CENPQ: variants seen among roughly 807,000 people sequenced by gnomAD.
CENPQ encodes centromere protein Q, also known as chromosome 6 open reading frame 139.
Under a neutral mutation model 36.6 loss-of-function variants are expected in CENPQ, and 27 were observed. The ratio of observed to expected loss-of-function variants is 0.74; its 90% CI spans 0.54 to 1.02. The LOEUF (loss-of-function observed/expected upper bound fraction) is 1.02, where lower values mean the gene tolerates loss of function less well. CENPQ is among the 50% of genes least tolerant of loss of function. CENPQ has a pLI of 0.00. For synonymous variants in CENPQ, 101 were observed against 101.7 expected, an observed-to-expected ratio of 0.99 and a Z score of 0.04; for missense variants, 306 against 301.8, an observed-to-expected ratio of 1.01 and a Z score of -0.10.
chr6:49,491,276 A>G (rs1360461318), intron 8 of CENPQ, among the ~76,000 whole-genome samples: 1 of 152,220 alleles, frequency 6.6e-6, no homozygotes, highest in Non-Finnish European at 1.5e-5. Flanking sequence ...AGTCACGTAG[A>G]TCTCTCATTT....
At chr6:49,471,144 T>A in intron 3 of CENPQ, 116 bp downstream of exon 3, 1 of 528,892 alleles carries the variant, frequency 1.9e-6, no homozygotes, top group Non-Finnish European at 3.0e-6. Flanking sequence ...AATAAACAAC[T>A]ACATTTGCAT....
intron 5 of CENPQ, among the ~76,000 whole-genome samples, chr6:49,474,112 G>C (rs1212672948): frequency 6.6e-6 from 1 of 152,106 alleles, no homozygotes; most frequent in Non-Finnish European, 1.5e-5. Context: ...AGACCAATGA[G>C]ACAGAAAATT....
chr6:49,471,121 T>C (rs879212905), intron 3 of CENPQ, 93 bp downstream of exon 3: 5 of 669,502 alleles, frequency 7.5e-6, no homozygotes, highest in African/African-American at 7.4e-5. Context: ...TTATGAGTTC[T>C]GCAAAAGATA....
At chr6:49,480,147 A>G (rs1349797946) in intron 5 of CENPQ, among the ~76,000 whole-genome samples, 1 of 152,138 alleles carries the variant, frequency 6.6e-6, no homozygotes, top group African/African-American at 2.4e-5. Context: ...CAAAAGTGGG[A>G]TAGTGGGTTC....
At chr6:49,487,460 A>G (rs1366144293) in intron 6 of CENPQ, among the ~76,000 whole-genome samples, 8 of 151,108 alleles carry the variant, frequency 5.3e-5, no homozygotes, top group Non-Finnish European at 1.2e-4. Flanking sequence ...TTCTTAAAAA[A>G]AAAAAAAAGT....
At chr6:49,465,269 C>T (rs1767974186) in intron 1 of CENPQ, among the ~76,000 whole-genome samples, 1 of 152,170 alleles carries the variant, frequency 6.6e-6, no homozygotes, top group Non-Finnish European at 1.5e-5. Context: ...GTAAACCGTG[C>T]TGTAAACAGA....
chr6:49,472,356 AT>A (rs1309600399), intron 4 of CENPQ, among the ~76,000 whole-genome samples, 173 bp downstream of exon 4: 2 of 152,266 alleles, frequency 1.3e-5, no homozygotes, highest in Admixed American at 6.5e-5. Flanking sequence ...GTCTTTGTTA[AT>A]TTTAGAAACC....
Position 49,472,062 on chromosome 6 carries a change from G to A in CENPQ, c.158-1G>A, listed in dbSNP as rs775612916. 3.1e-6 allele frequency: 5 copies of A among 1,609,538 alleles called. No individual in the cohort carries two copies. The highest frequency in any genetic ancestry group is 1.7e-5 in the Admixed American group (1 of 59,446). On this transcript the variant is annotated splice_acceptor_variant, in intron 3 of 8. Transcript: ENST00000335783. LOFTEE classifies it high-confidence loss of function. ...AGAGCCTCTTCTATTACTAACGACAGGACAAACAAAGCACACTAACCTAAA... is the reference window on the plus strand; with the variant it reads ...AGAGCCTCTTCTATTACTAACGACAAGACAAACAAAGCACACTAACCTAAA...
chr6:49,489,953 C>A (rs1768677912), intron 8 of CENPQ, among the ~76,000 whole-genome samples: 1 of 152,168 alleles, frequency 6.6e-6, no homozygotes. Flanking sequence ...ACAGACAACA[C>A]AGATGTAGTT....
chr6:49,464,167 ACCAATAAAG>A (rs1165735011), intron 1 of CENPQ, among the ~76,000 whole-genome samples: 1 of 152,204 alleles, frequency 6.6e-6, no homozygotes, highest in African/African-American at 2.4e-5. Flanking sequence ...TCGGTTCCAG[ACCAATAAAG>A]CCTGTCACAC....
At chr6:49,486,350 C>G in intron 6 of CENPQ, among the ~76,000 whole-genome samples, 1 of 152,276 alleles carries the variant, frequency 6.6e-6, no homozygotes, top group Admixed American at 6.5e-5. Flanking sequence ...ACAGCAGCCA[C>G]GGGAAACTAA....
At position 49,472,108 on chromosome 6, in the gene CENPQ, G is replaced by T. The variant is rs552119775; in HGVS notation, c.203G>T (p.Ser68Ile). ...TNLKHGKTAA[S>I]KRKTWQPLSK... ...CTAAAACACGGAAAGACAGCAGCCA[G>T]CAAGAGAAAAACCTGGCAACCTCTG... Residue 68 changes from serine to isoleucine, a missense_variant, in exon 4 of 9, where the codon AGC becomes ATC. By Grantham distance (142) the Ser-to-Ile change is moderately radical. Coordinates refer to ENST00000335783, the MANE Select transcript of CENPQ (RefSeq NM_018132.4). 3 of 1,612,702 alleles carry T rather than the reference G, an allele frequency of 1.9e-6. No individual in the cohort carries two copies. Among genetic ancestry groups the T allele is most frequent in the Non-Finnish European group, 8.5e-7 (1 of 1,179,324 alleles).
chr6:49,483,890 C>T (rs930358896), intron 6 of CENPQ, among the ~76,000 whole-genome samples: 2 of 152,270 alleles, frequency 1.3e-5, no homozygotes, highest in African/African-American at 4.8e-5. Context: ...CTGAAGGGCT[C>T]CTCAAGTGCC....
At chr6:49,482,611 C>G (rs1768463970) in intron 6 of CENPQ, among the ~76,000 whole-genome samples, 1 of 152,050 alleles carries the variant, frequency 6.6e-6, no homozygotes, top group African/African-American at 2.4e-5. Context: ...CCATCTGTAG[C>G]TTGATGGCCT....
At chr6:49,475,559 G>A (rs1225256175) in intron 5 of CENPQ, among the ~76,000 whole-genome samples, 14 of 152,154 alleles carry the variant, frequency 9.2e-5, no homozygotes, top group Admixed American at 2.6e-4. Flanking sequence ...ACATAGTGTT[G>A]GAAGTTCTGG....
intron 5 of CENPQ, among the ~76,000 whole-genome samples, chr6:49,474,816 T>A (rs1032625477): frequency 1.3e-5 from 2 of 151,870 alleles, no homozygotes; most frequent in African/African-American, 4.8e-5. Context: ...AAAAAACTGA[T>A]AAAAGGGATA....
At chr6:49,471,389 T>C (rs898733584) in intron 3 of CENPQ, among the ~76,000 whole-genome samples, 2 of 152,190 alleles carry the variant, frequency 1.3e-5, no homozygotes, top group African/African-American at 4.8e-5. Context: ...GAACCATTAT[T>C]ATAAGTTTGT....
chr6:49,475,570 C>G (rs2127425100), intron 5 of CENPQ, among the ~76,000 whole-genome samples: 1 of 152,202 alleles, frequency 6.6e-6, no homozygotes, highest in South Asian at 2.1e-4. Context: ...GAAGTTCTGG[C>G]CAGGGCAATC....
intron 7 of CENPQ, 64 bp downstream of exon 7, chr6:49,488,535 GA>G: frequency 6.3e-7 from 1 of 1,594,166 alleles, no homozygotes; most frequent in Non-Finnish European, 8.6e-7. Flanking sequence ...ATTATGCAAA[GA>G]TAACTTTCGA....
Sources: allele counts gnomAD v4.1 joint callset (sites outside exome capture counted in the v4.1 genomes callset), GRCh38; gene constraint gnomAD v4.1.1; transcripts MANE v1.5; gene names NCBI Gene and HGNC (gene_info 2026-07-23, HGNC 2026-07-21).